The following COA1 variants were observed in gnomAD, a reference collection of about 807,000 sequenced individuals.
COA1 encodes the protein cytochrome c oxidase assembly factor 1.
Under a neutral mutation model 16.0 loss-of-function variants are expected in COA1, and 13 were observed. The ratio of observed to expected loss-of-function variants is 0.81; its 90% CI spans 0.53 to 1.29. COA1 has a LOEUF of 1.29. Ranked by LOEUF, COA1 falls within the 50% of genes most tolerant of loss-of-function variation. The pLI is 0.00. For missense variants in COA1, 179 were observed against 177.0 expected, an observed-to-expected ratio of 1.01 and a Z score of -0.06; for synonymous variants, 65 against 65.7, an observed-to-expected ratio of 0.99 and a Z score of 0.05.
At position 43,665,520 on chromosome 7, in the gene COA1, G is replaced by C. The variant is rs73108658; in HGVS notation, c.-38-16868C>G. The C allele has an allele frequency of 0.15, 22,357 of 152,218 alleles. 2,190 individuals are homozygous for C. The highest frequency in any genetic ancestry group is 0.21 in the Non-Finnish European group (14,607 of 67,998). The allele number at this position is 152,218 out of a possible 1,614,324, so 9.4% of individuals were successfully genotyped here. Reference sequence around the variant, plus strand: ...AAGTACAAAAGCAGTGCCCTATTCAGATGTGTGGTTTCACAGAACTTAAGA... The same window carrying C: ...AAGTACAAAAGCAGTGCCCTATTCACATGTGTGGTTTCACAGAACTTAAGA... On this transcript the variant is annotated intron_variant, in intron 1 of 5. Transcript: ENST00000223336.
chr7:43,688,783 AT>A, intron 1 of COA1, among the ~76,000 whole-genome samples: 1 of 152,248 alleles, frequency 6.6e-6, no homozygotes, highest in Non-Finnish European at 1.5e-5. Flanking sequence ...TCAAATGTAC[AT>A]AATAGCCAGT....
At chr7:43,684,688 C>T (rs2093936041) in intron 1 of COA1, among the ~76,000 whole-genome samples, 1 of 152,120 alleles carries the variant, frequency 6.6e-6, no homozygotes, top group African/African-American at 2.4e-5. Context: ...CAAGACGCCA[C>T]CATCTTATAG....
chr7:43,709,157 G>C (rs1452009236), intron 1 of COA1, among the ~76,000 whole-genome samples: 2 of 151,724 alleles, frequency 1.3e-5, no homozygotes, highest in Admixed American at 1.3e-4. Flanking sequence ...CCGAGTAGCT[G>C]GGACTACAGG....
At chr7:43,725,533 T>A (rs1001433974) in intron 1 of COA1, among the ~76,000 whole-genome samples, 5 of 152,210 alleles carry the variant, frequency 3.3e-5, no homozygotes, top group Non-Finnish European at 1.5e-5. Context: ...ATCACTTTCC[T>A]TAGATTCTCA....
downstream of COA1, among the ~76,000 whole-genome samples, chr7:43,636,432 G>GTGA (rs577302132): frequency 1.2e-3 from 182 of 152,320 alleles, no homozygotes; most frequent in African/African-American, 4.2e-3. Context: ...TGTAAGGCAA[G>GTGA]TGATTGGTAA....
At chr7:43,619,341 C>T (rs1583724533) in intron 6 of COA1, among the ~76,000 whole-genome samples, 1 of 152,180 alleles carries the variant, frequency 6.6e-6, no homozygotes, top group East Asian at 1.9e-4. Flanking sequence ...GAATGGTTTC[C>T]ATAAGGTAGG....
chr7:43,620,754 G>A (rs751557498), intron 6 of COA1, among the ~76,000 whole-genome samples: 8 of 152,174 alleles, frequency 5.3e-5, no homozygotes, highest in Non-Finnish European at 1.0e-4. Context: ...TGGATATAAG[G>A]CTGGAAAGGC....
At chr7:43,647,298 G>A (rs564686320) in intron 3 of COA1, 1 of 552,950 alleles carries the variant, frequency 1.8e-6, no homozygotes, top group African/African-American at 1.9e-5. Context: ...ATCGTGCTTT[G>A]CTGGGCTTCT....
intron 6 of COA1, chr7:43,624,954 C>A: frequency 2.0e-6 from 2 of 984,092 alleles, no homozygotes; most frequent in Non-Finnish European, 2.9e-6. Context: ...GTATCACTTA[C>A]ACAAACAAAA....
chr7:43,657,686 T>TA (rs35226493), intron 1 of COA1, among the ~76,000 whole-genome samples: 18 of 149,364 alleles, frequency 1.2e-4, no homozygotes, highest in East Asian at 5.8e-4. Context: ...ATAAGTACTT[T>TA]AAAAAAAAAA....
chr7:43,727,172 C>T (rs919324852), intron 1 of COA1, among the ~76,000 whole-genome samples: 3 of 152,186 alleles, frequency 2.0e-5, no homozygotes, highest in East Asian at 3.8e-4. Context: ...ATGACACACA[C>T]TTCACACCCA....
At chr7:43,702,206 T>A (rs2094773542) in intron 1 of COA1, among the ~76,000 whole-genome samples, 1 of 152,162 alleles carries the variant, frequency 6.6e-6, no homozygotes, top group Non-Finnish European at 1.5e-5. Flanking sequence ...GTCCTAGGTA[T>A]TCTTCTAAAG....
chr7:43,680,805 C>T (rs963260812), intron 1 of COA1, among the ~76,000 whole-genome samples: 1 of 151,974 alleles, frequency 6.6e-6, no homozygotes, highest in Non-Finnish European at 1.5e-5. Flanking sequence ...CCCATCTCTA[C>T]AAAAAATACA....
At chr7:43,637,562 AATGGAT>A (rs1162580872), downstream of COA1, among the ~76,000 whole-genome samples, 1 of 152,204 alleles carries the variant, frequency 6.6e-6, no homozygotes, top group Non-Finnish European at 1.5e-5. Flanking sequence ...CACAGTGATG[AATGGAT>A]ATACAGGAAA....
intron 6 of COA1, among the ~76,000 whole-genome samples, chr7:43,612,229 C>G (rs889774757): frequency 1.3e-5 from 2 of 152,216 alleles, no homozygotes; most frequent in African/African-American, 4.8e-5. Flanking sequence ...AAAGGGTTCT[C>G]AGCCTTCCTT....
chr7:43,684,200 C>T (rs2093908211), intron 1 of COA1, among the ~76,000 whole-genome samples: 1 of 152,154 alleles, frequency 6.6e-6, no homozygotes, highest in Admixed American at 6.5e-5. Context: ...GCATTAGATT[C>T]TCATAAGGAG....
chr7:43,695,965 G>A (rs988423807), intron 1 of COA1, among the ~76,000 whole-genome samples: 10 of 152,164 alleles, frequency 6.6e-5, no homozygotes, highest in African/African-American at 2.4e-4. Flanking sequence ...AGACATACCC[G>A]AGGAATGGGC....
At chr7:43,611,500 T>C (rs1419275870) in intron 6 of COA1, among the ~76,000 whole-genome samples, 2 of 152,128 alleles carry the variant, frequency 1.3e-5, no homozygotes, top group Non-Finnish European at 2.9e-5. Context: ...ATGCTGAAGG[T>C]TACCTAGTTA....
At chr7:43,624,515 C>T (rs919671664) in intron 6 of COA1, 1 of 1,606,702 alleles carries the variant, frequency 6.2e-7, no homozygotes, top group Non-Finnish European at 8.5e-7. Flanking sequence ...TGTATCTTTA[C>T]AGAGATCGAG....
Sources: allele counts gnomAD v4.1 joint callset (sites outside exome capture counted in the v4.1 genomes callset), GRCh38; gene constraint gnomAD v4.1.1; transcripts MANE v1.5; gene names NCBI Gene and HGNC (gene_info 2026-07-23, HGNC 2026-07-21).